Variants in SOBP observed in about 807,000 individuals in gnomAD.
SOBP encodes sine oculis-binding protein homolog.
SOBP carries 4 observed loss-of-function variants against 53.6 expected under a neutral mutation model. The observed-to-expected ratio is 0.07, with a 90% CI of 0.04 to 0.17. The LOEUF (loss-of-function observed/expected upper bound fraction) is 0.17, where lower values mean the gene tolerates loss of function less well. Ranked by LOEUF, SOBP falls within the 10% of genes least tolerant of loss-of-function variation. The pLI, the probability that SOBP is intolerant of heterozygous loss-of-function variation, is 1.00. For synonymous variants in SOBP, 584 were observed against 522.6 expected, an observed-to-expected ratio of 1.12 and a Z score of -1.60; for missense variants, 1,088 against 1,204.7, an observed-to-expected ratio of 0.90 and a Z score of 1.43.
At chr6:107,618,407 C>A (rs1786876567) in intron 5 of SOBP, among the ~76,000 whole-genome samples, 1 of 152,050 alleles carries the variant, frequency 6.6e-6, no homozygotes, top group South Asian at 2.1e-4. Context: ...GTTCTTTGGC[C>A]CTTTAGGACA....
intron 5 of SOBP, among the ~76,000 whole-genome samples, chr6:107,607,821 G>A (rs9373956): frequency 0.38 from 57,802 of 152,048 alleles, 12,348 homozygotes; most frequent in East Asian, 0.7. Flanking sequence ...AGAGAGCTTT[G>A]CCCCTTACCA....
chr6:107,618,394 A>G (rs2115115067), intron 5 of SOBP, among the ~76,000 whole-genome samples: 1 of 152,308 alleles, frequency 6.6e-6, no homozygotes, highest in African/African-American at 2.4e-5. Flanking sequence ...TCTTGAGACC[A>G]TAGTTCTTTG....
intron 1 of SOBP, among the ~76,000 whole-genome samples, chr6:107,501,590 A>G (rs994612908): frequency 6.6e-6 from 1 of 152,110 alleles, no homozygotes; most frequent in African/African-American, 2.4e-5. Context: ...GCTGTTGGGA[A>G]TTGTTTTTTT....
At chr6:107,643,170 T>G (rs1477696816) in intron 6 of SOBP, among the ~76,000 whole-genome samples, 1 of 151,828 alleles carries the variant, frequency 6.6e-6, no homozygotes, top group African/African-American at 2.4e-5. Flanking sequence ...ACGTGATCTT[T>G]TTCTAAAGAA....
intron 4 of SOBP, among the ~76,000 whole-genome samples, chr6:107,581,586 A>G (rs1190587654): frequency 1.3e-5 from 2 of 152,238 alleles, no homozygotes; most frequent in Non-Finnish European, 2.9e-5. Flanking sequence ...AGACATTCAC[A>G]GCATACTGAA....
chr6:107,515,333 A>C (rs1841010016), intron 3 of SOBP, among the ~76,000 whole-genome samples: 1 of 152,268 alleles, frequency 6.6e-6, no homozygotes, highest in African/African-American at 2.4e-5. Flanking sequence ...TTTTCAGAGA[A>C]TAGAGAAGAA....
intron 6 of SOBP, among the ~76,000 whole-genome samples, chr6:107,639,479 G>A (rs1266533439): frequency 2.0e-5 from 3 of 152,130 alleles, no homozygotes; most frequent in African/African-American, 7.2e-5. Context: ...GATTTTAAAA[G>A]GTTGTAAACT....
At chr6:107,615,262 A>G (rs1562101862) in intron 5 of SOBP, among the ~76,000 whole-genome samples, 2 of 152,248 alleles carry the variant, frequency 1.3e-5, no homozygotes, top group Admixed American at 6.5e-5. Context: ...TATTTAGCTC[A>G]GAACAAGGGG....
chr6:107,608,872 G>A (rs1786486705), intron 5 of SOBP, among the ~76,000 whole-genome samples: 3 of 152,166 alleles, frequency 2.0e-5, no homozygotes, highest in Non-Finnish European at 4.4e-5. Context: ...TTGGGGAGAG[G>A]GAATCCAGTG....
intron 6 of SOBP, among the ~76,000 whole-genome samples, chr6:107,638,885 T>C (rs936242382): frequency 7.5e-5 from 11 of 146,190 alleles, no homozygotes; most frequent in Admixed American, 1.3e-4. Context: ...TGTAGTACTA[T>C]TTTATTATTT....
intron 5 of SOBP, among the ~76,000 whole-genome samples, chr6:107,607,244 G>A (rs1446300880): frequency 6.6e-6 from 1 of 152,148 alleles, no homozygotes; most frequent in Admixed American, 6.5e-5. Flanking sequence ...ACAAACATTG[G>A]TCAGATAATG....
In SOBP at chr6:107,490,237, G is replaced by C. The variant is rs1034474623; in HGVS notation, c.-380G>C. The C allele has an allele frequency of 1.3e-5, 2 of 148,966 alleles. No individual in the cohort carries two copies. Among genetic ancestry groups the C allele is most frequent in the Non-Finnish European group, 3.0e-5 (2 of 66,630 alleles). 9.2% of individuals were successfully genotyped at this position (148,966 alleles called of 1,614,324 possible). Reference sequence around the variant, plus strand: ...CGGAAGATGGCTGACGACTCCACGGGGCCCCGAGGATGCGGCCCGGCGGCG... The same window carrying C: ...CGGAAGATGGCTGACGACTCCACGGCGCCCCGAGGATGCGGCCCGGCGGCG... On this transcript the variant is annotated 5_prime_UTR_variant, in exon 1 of 7. Transcript: ENST00000317357.
chr6:107,527,714 C>T (rs536953403), intron 3 of SOBP, among the ~76,000 whole-genome samples: 33 of 152,320 alleles, frequency 2.2e-4, no homozygotes, highest in Non-Finnish European at 2.9e-4. Context: ...CCTCTGTCTC[C>T]ATCTCTGTGC....
chr6:107,503,088 A>G (rs1015491727), intron 1 of SOBP, among the ~76,000 whole-genome samples: 5 of 152,184 alleles, frequency 3.3e-5, no homozygotes, highest in Non-Finnish European at 7.3e-5. Context: ...TTGCAGAAGG[A>G]AAAAAATAAA....
At chr6:107,641,441 C>G (rs1241924153) in intron 6 of SOBP, among the ~76,000 whole-genome samples, 1 of 152,200 alleles carries the variant, frequency 6.6e-6, no homozygotes, top group African/African-American at 2.4e-5. Context: ...AGACACTGTT[C>G]TTCTGTGGAA....
At chr6:107,619,695 G>A (rs1370830961) in intron 5 of SOBP, among the ~76,000 whole-genome samples, 1 of 152,124 alleles carries the variant, frequency 6.6e-6, no homozygotes, top group Non-Finnish European at 1.5e-5. Flanking sequence ...AAATAGTAGT[G>A]CAGGTGTATG....
chr6:107,501,943 T>G (rs1032171564), intron 1 of SOBP, among the ~76,000 whole-genome samples: 1 of 152,198 alleles, frequency 6.6e-6, no homozygotes, highest in African/African-American at 2.4e-5. Context: ...TGACTGACTG[T>G]TGGCCTTGCG....
At chr6:107,512,750 T>C in intron 3 of SOBP, among the ~76,000 whole-genome samples, 1 of 152,210 alleles carries the variant, frequency 6.6e-6, no homozygotes, top group East Asian at 1.9e-4. Context: ...TTTAAATTAA[T>C]AAAACTATTA....
chr6:107,593,757 G>A lies in SOBP; in HGVS notation c.669+6582G>A, dbSNP rs546960856. Among the ~76,000 whole-genome samples the A allele has an allele frequency of 7.2e-4, 109 of 152,312 alleles. 1 individual carries two copies. The highest frequency in any genetic ancestry group is 2.6e-3 in the African/African-American group (107 of 41,560). ...TCTTATTACTAACAAAATGGAGCTAGAAGGATGCATTAGTTTAAACAAAAT... is the reference window on the plus strand; with the variant it reads ...TCTTATTACTAACAAAATGGAGCTAAAAGGATGCATTAGTTTAAACAAAAT... On this transcript the variant is annotated intron_variant, in intron 5 of 6. Transcript: ENST00000317357.
Sources: gnomAD v4.1 joint callset for allele counts (sites outside exome capture counted in the v4.1 genomes callset) on GRCh38, gnomAD v4.1.1 for gene constraint, MANE v1.5 for transcripts, NCBI Gene and HGNC (gene_info 2026-07-23, HGNC 2026-07-21) for gene names.